Variants in BRIP1 observed in about 807,000 individuals in gnomAD.
The protein encoded by BRIP1 is BRCA1 interacting DNA helicase 1.
In BRIP1, 88 loss-of-function variants were observed where a neutral mutation model predicts 119.7. The observed-to-expected ratio is 0.74, with a 90% CI of 0.62 to 0.88. The LOEUF (loss-of-function observed/expected upper bound fraction) is 0.88. Ranked by LOEUF, BRIP1 falls within the 40% of genes least tolerant of loss-of-function variation. The probability of loss-of-function intolerance (pLI) is 0.00; values close to 1 mark genes in which losing one functional copy is unlikely to be tolerated. For synonymous variants in BRIP1, 443 were observed against 496.5 expected, an observed-to-expected ratio of 0.89 and a Z score of 1.43; for missense variants, 1,259 against 1,455.4, an observed-to-expected ratio of 0.87 and a Z score of 2.20.
chr17:61,710,368 C>T lies in BRIP1; in HGVS notation c.2492+5583G>A, dbSNP rs778037497. 1.2e-4 allele frequency among the ~76,000 whole-genome samples: 19 copies of T among 152,030 alleles called. No homozygotes were observed. The highest frequency in any genetic ancestry group is 8.5e-4 in the Admixed American group (13 of 15,244). ...TAGTTGGTTGCTGAGAATGTAACAA[C>T]GTAACACATGTTCAAGGAAGAAAAC... On this transcript the variant is annotated intron_variant, in intron 17 of 19. Transcript: ENST00000259008. This position sits in a 1 kb window ranked among gnomAD's most constrained non-coding sequence, Gnocchi z 5.4.
Position 61,703,773 on chromosome 17 carries a change from C to T in BRIP1, c.2493-10261G>A, listed in dbSNP as rs1186819842. ...CAAGGGTTTTTAGTTTAAGGTTTTA[C>T]ATTTAAGTCTTTAATTCACCCTGAG... On this transcript the variant is annotated intron_variant, in intron 17 of 19. Coordinates refer to ENST00000259008, the MANE Select transcript of BRIP1 (RefSeq NM_032043.3). This position sits in a 1 kb window ranked among gnomAD's most constrained non-coding sequence, Gnocchi z 5.0. Among the ~76,000 whole-genome samples, 1 of 152,006 alleles carries T rather than the reference C, an allele frequency of 6.6e-6. No individual in the cohort carries two copies. Among genetic ancestry groups the T allele is most frequent in the East Asian group, 1.9e-4 (1 of 5,178 alleles).
intron 16 of BRIP1, among the ~76,000 whole-genome samples, chr17:61,728,031 G>A (rs1242797752): frequency 1.3e-5 from 2 of 151,938 alleles, no homozygotes; most frequent in Non-Finnish European, 2.9e-5. Flanking sequence ...GTTTCGCCAT[G>A]TTGGTCAGGC....
In BRIP1 at chr17:61,748,973, T is replaced by G. The variant is rs2077096290; in HGVS notation, c.2098-4382A>C. Among the ~76,000 whole-genome samples, 1 of 151,948 alleles carries G rather than the reference T, an allele frequency of 6.6e-6. No individual in the cohort carries two copies. The highest frequency in any genetic ancestry group is 2.4e-5 in the African/African-American group (1 of 41,372). On this transcript the variant is annotated intron_variant, in intron 14 of 19. Coordinates refer to ENST00000259008, the MANE Select transcript of BRIP1 (RefSeq NM_032043.3). This position sits in a 1 kb window ranked among gnomAD's most constrained non-coding sequence, Gnocchi z 4.7. Reference sequence around the variant, plus strand: ...TAACACGGTGAAACCCCATCTCTACTAAAAATACAAAAAATTAGCCGGGCA... The same window carrying G: ...TAACACGGTGAAACCCCATCTCTACGAAAAATACAAAAAATTAGCCGGGCA...
Position 61,686,320 on chromosome 17 carries a change from A to G in BRIP1, c.2576-155T>C, listed in dbSNP as rs1469384060. Among the ~76,000 whole-genome samples the G allele has an allele frequency of 6.6e-6, 1 of 152,214 alleles. No individual in the cohort carries two copies. Among genetic ancestry groups the G allele is most frequent in the African/African-American group, 2.4e-5 (1 of 41,458 alleles). ...CATATGTTTTTTCTGCAATTCAGCAATTTTACTACATATGTATCAGTAACA... is the reference window on the plus strand; with the variant it reads ...CATATGTTTTTTCTGCAATTCAGCAGTTTTACTACATATGTATCAGTAACA... On this transcript the variant is annotated intron_variant, in intron 18 of 19. Coordinates refer to ENST00000259008, the MANE Select transcript of BRIP1 (RefSeq NM_032043.3). This position sits in a 1 kb window ranked among gnomAD's most constrained non-coding sequence, Gnocchi z 5.4.
At chr17:61,833,514 A>G (rs764573578) in intron 6 of BRIP1, among the ~76,000 whole-genome samples, 2 of 152,090 alleles carry the variant, frequency 1.3e-5, no homozygotes, top group Admixed American at 1.3e-4. Flanking sequence ...TACTAAAAAT[A>G]AAAGAAATTA....
At chr17:61,786,830 T>C (rs2077719191) in intron 10 of BRIP1, among the ~76,000 whole-genome samples, 1 of 127,474 alleles carries the variant, frequency 7.8e-6, no homozygotes, top group East Asian at 2.2e-4. Context: ...AAATATATTT[T>C]ATATAATATA....
chr17:61,843,736 C>T lies in BRIP1; in HGVS notation c.627+3365G>A, dbSNP rs2078689950. ...GCAGATGCTGACACCATGCTTCCTG[C>T]ACAGCCTACAGAACTGTGAGTGAAA... is the stretch of plus-strand genomic sequence containing the variant. On this transcript the variant is annotated intron_variant, in intron 6 of 19. Coordinates refer to ENST00000259008, the MANE Select transcript of BRIP1 (RefSeq NM_032043.3). This position sits in a 1 kb window ranked among gnomAD's most constrained non-coding sequence, Gnocchi z 5.7. Among the ~76,000 whole-genome samples, 2 of 152,150 alleles carry T rather than the reference C, an allele frequency of 1.3e-5. No individual in the cohort carries two copies. Among genetic ancestry groups the T allele is most frequent in the South Asian group, 4.1e-4 (2 of 4,826 alleles).
At position 61,704,442 on chromosome 17, in the gene BRIP1, T is replaced by G. The variant is rs538840146; in HGVS notation, c.2493-10930A>C. Among the ~76,000 whole-genome samples, 1 of 152,320 alleles carries G rather than the reference T, an allele frequency of 6.6e-6. No homozygotes were observed. Among genetic ancestry groups the G allele is most frequent in the South Asian group, 2.1e-4 (1 of 4,832 alleles). On this transcript the variant is annotated intron_variant, in intron 17 of 19. Coordinates refer to ENST00000259008, the MANE Select transcript of BRIP1 (RefSeq NM_032043.3). This position sits in a 1 kb window ranked among gnomAD's most constrained non-coding sequence, Gnocchi z 5.7. Reference sequence around the variant, plus strand: ...AGAAGGCTTTTAACTATTAATTCTATTTCTTTGCTAGATAGCTATGCGTGT... The same window carrying G: ...AGAAGGCTTTTAACTATTAATTCTAGTTCTTTGCTAGATAGCTATGCGTGT...
In BRIP1 at chr17:61,807,785, T is replaced by C. The variant is rs907719464; in HGVS notation, c.918+682A>G. Among the ~76,000 whole-genome samples the C allele has an allele frequency of 6.6e-6, 1 of 152,114 alleles. No homozygotes were observed. The highest frequency in any genetic ancestry group is 2.4e-5 in the African/African-American group (1 of 41,442). On this transcript the variant is annotated intron_variant, in intron 7 of 19. Coordinates refer to ENST00000259008, the MANE Select transcript of BRIP1 (RefSeq NM_032043.3). This position sits in a 1 kb window ranked among gnomAD's most constrained non-coding sequence, Gnocchi z 4.5. ...CAACTTCAATTTTAGAGTAAACTAATTATCACACCAGAACATAGGCTCCCA... is the reference window on the plus strand; with the variant it reads ...CAACTTCAATTTTAGAGTAAACTAACTATCACACCAGAACATAGGCTCCCA...
rs2061408587 is a variant in BRIP1 at position 61,689,144 on chromosome 17, A to G, written c.2576-2979T>C. On this transcript the variant is annotated intron_variant, in intron 18 of 19. Coordinates refer to ENST00000259008, the MANE Select transcript of BRIP1 (RefSeq NM_032043.3). The surrounding 1 kb of genome is among the most constrained non-coding windows in gnomAD (Gnocchi z 4.5). Reference sequence around the variant, plus strand: ...CTGAAACCTCCGCCTCCCTGATTCAAGCGATTCTCCTGCCTCGGCCTCTCA... The same window carrying G: ...CTGAAACCTCCGCCTCCCTGATTCAGGCGATTCTCCTGCCTCGGCCTCTCA... Among the ~76,000 whole-genome samples the G allele has an allele frequency of 6.6e-6, 1 of 151,242 alleles. No homozygotes were observed. Among genetic ancestry groups the G allele is most frequent in the Non-Finnish European group, 1.5e-5 (1 of 67,888 alleles).
Position 61,685,925 on chromosome 17 carries a change from G to C in BRIP1, c.2816C>G (p.Ala939Gly), listed in dbSNP as rs756490117. The change falls in exon 19 of 20, where the codon GCA becomes GGA. Residue 939 changes from alanine to glycine, a missense_variant. Ala to Gly is a moderately conservative substitution (Grantham distance 60, BLOSUM62 0). Coordinates refer to ENST00000259008, the MANE Select transcript of BRIP1 (RefSeq NM_032043.3). ...LSPENFVEDE[A>G]KICVQELQCP... ...CTGTAGTTCCTGGACACATATCTTT[G>C]CTTCATCTTCCACAAAATTTTCTGG... The C allele has an allele frequency of 1.4e-5, 23 of 1,614,022 alleles. No individual in the cohort carries two copies. The highest frequency in any genetic ancestry group is 1.9e-5 in the Non-Finnish European group (22 of 1,179,920).
Position 61,695,420 on chromosome 17 carries a change from TTGTTCTCCTAGTA to T in BRIP1, c.2493-1921_2493-1909del, listed in dbSNP as rs145718738. 0.033 allele frequency among the ~76,000 whole-genome samples: 5,030 copies of T among 152,212 alleles called. 320 individuals carry two copies. Among genetic ancestry groups the T allele is most frequent in the African/African-American group, 0.11 (4,771 of 41,516 alleles). Reference sequence around the variant, plus strand: ...TAGTAAGTTTGAAATAGAAAACTGTTTGTTCTCCTAGTATGTTCTTCTTTTTCAAGATTGTTTT... The same window carrying T: ...TAGTAAGTTTGAAATAGAAAACTGTTTGTTCTTCTTTTTCAAGATTGTTTT... On this transcript the variant is annotated intron_variant, in intron 17 of 19. Transcript: ENST00000259008. The surrounding 1 kb of genome is among the most constrained non-coding windows in gnomAD (Gnocchi z 4.3).
At position 61,682,444 on chromosome 17, in the gene BRIP1, A is replaced by C. The variant is rs540541914; in HGVS notation, c.*852T>G. ...ATTTGGCATTTTATATCTTTACGTC[A>C]ATTTGTTTATGACATGTTTGGTTTT... On this transcript the variant is annotated 3_prime_UTR_variant, in exon 20 of 20. Coordinates refer to ENST00000259008, the MANE Select transcript of BRIP1 (RefSeq NM_032043.3). The surrounding 1 kb of genome is among the most constrained non-coding windows in gnomAD (Gnocchi z 4.9). 1 of 204,394 alleles carries C rather than the reference A, an allele frequency of 4.9e-6. No homozygotes were observed. The highest frequency in any genetic ancestry group is 2.3e-5 in the African/African-American group (1 of 43,950). 12.7% of individuals were successfully genotyped at this position (204,394 alleles called of 1,614,324 possible).
intron 4 of BRIP1, among the ~76,000 whole-genome samples, chr17:61,854,702 C>CAAAAA (rs60657866): frequency 1.2e-5 from 1 of 82,286 alleles, no homozygotes; most frequent in Non-Finnish European, 2.5e-5. Flanking sequence ...GACTCCGTCT[C>CAAAAA]AAAAAAAAAA....
intron 16 of BRIP1, among the ~76,000 whole-genome samples, chr17:61,741,086 T>G (rs1278096361): frequency 1.3e-5 from 2 of 152,212 alleles, no homozygotes; most frequent in African/African-American, 4.8e-5. Context: ...ATATTCTAAC[T>G]CCTTTGTTGT....
rs2077215942 is a variant in BRIP1, at chr17:61,757,490, A to C, written c.2098-12899T>G. ...TCTCTGAAAAGGAACACTCTCTCTC[A>C]TAAATTAGTTAAAATACTGAGGACT... On this transcript the variant is annotated intron_variant, in intron 14 of 19. Coordinates refer to ENST00000259008, the MANE Select transcript of BRIP1 (RefSeq NM_032043.3). This position sits in a 1 kb window ranked among gnomAD's most constrained non-coding sequence, Gnocchi z 4.3. 6.6e-6 allele frequency among the ~76,000 whole-genome samples: 1 copy of C among 152,176 alleles called. No individual in the cohort carries two copies. The highest frequency in any genetic ancestry group is 1.5e-5 in the Non-Finnish European group (1 of 68,026).
chr17:61,782,691 G>A lies in BRIP1; in HGVS notation c.1628+1579C>T, dbSNP rs887407429. 3.0e-5 allele frequency among the ~76,000 whole-genome samples: 4 copies of A among 134,024 alleles called. No homozygotes were observed. The Admixed American group carries it at 3.2e-4, about 11-fold the overall frequency. The allele number at this position is 134,024 out of a possible 152,430, so 87.9% of individuals were successfully genotyped here. ...AAAAAAACCCAATAATTCAAAAGTGGGCAAAAGACTTCAATAGATATTTCT... is the reference window on the plus strand; with the variant it reads ...AAAAAAACCCAATAATTCAAAAGTGAGCAAAAGACTTCAATAGATATTTCT... On this transcript the variant is annotated intron_variant, in intron 11 of 19. Transcript: ENST00000259008.
At chr17:61,773,109 A>G (rs2077483355) in intron 14 of BRIP1, among the ~76,000 whole-genome samples, 1 of 152,090 alleles carries the variant, frequency 6.6e-6, no homozygotes, top group Non-Finnish European at 1.5e-5. Context: ...AATGATATGT[A>G]TTATAAAGGA....
rs1327347825 is a variant in BRIP1 at position 61,842,013 on chromosome 17, A to C, written c.627+5088T>G. On this transcript the variant is annotated intron_variant, in intron 6 of 19. Coordinates refer to ENST00000259008, the MANE Select transcript of BRIP1 (RefSeq NM_032043.3). The surrounding 1 kb of genome is among the most constrained non-coding windows in gnomAD (Gnocchi z 5.1). ...TGTTTATTGCAGCGCTATTCATAATAGACAAGGAGTTGGCATCAACCTAAA... is the reference window on the plus strand; with the variant it reads ...TGTTTATTGCAGCGCTATTCATAATCGACAAGGAGTTGGCATCAACCTAAA... 6.6e-6 allele frequency among the ~76,000 whole-genome samples: 1 copy of C among 152,194 alleles called. No homozygotes were observed. The highest frequency in any genetic ancestry group is 1.5e-5 in the Non-Finnish European group (1 of 68,026).
Sources: gnomAD v4.1 joint callset for allele counts (sites outside exome capture counted in the v4.1 genomes callset) on GRCh38, gnomAD v4.1.1 for gene constraint, Gnocchi (gnomAD v3.1) non-coding constraint, MANE v1.5 for transcripts, NCBI Gene and HGNC (gene_info 2026-07-23, HGNC 2026-07-21) for gene names.